Variants in C8orf89 observed in about 807,000 individuals in gnomAD.
C8orf89 encodes the protein chromosome 8 open reading frame 89.
A neutral mutation model predicts 15.8 loss-of-function variants in C8orf89; 14 were observed. The ratio of observed to expected loss-of-function variants is 0.89; its 90% CI spans 0.59 to 1.39. The LOEUF (loss-of-function observed/expected upper bound fraction) is 1.39. C8orf89 is among the 40% of genes most tolerant of loss of function. The probability of loss-of-function intolerance (pLI) is 0.00; values close to 1 mark genes in which losing one functional copy is unlikely to be tolerated. For missense variants in C8orf89, 181 were observed against 184.5 expected (o/e 0.98, Z 0.11); for synonymous variants, 55 against 62.2 (o/e 0.88, Z 0.54).
the C8orf89 span, among the ~76,000 whole-genome samples, chr8:73,274,860 A>G: frequency 2.0e-5 from 3 of 152,192 alleles, no homozygotes; most frequent in African/African-American, 7.2e-5. Flanking sequence ...CATGAGACTG[A>G]GATTGAGTGT....
upstream of C8orf89, among the ~76,000 whole-genome samples, chr8:73,263,081 A>G (rs1199293528): frequency 1.3e-5 from 2 of 152,128 alleles, no homozygotes; most frequent in African/African-American, 4.8e-5. Flanking sequence ...CAACCAATTA[A>G]AAAATCACTG....
chr8:73,274,446 T>C, the C8orf89 span, among the ~76,000 whole-genome samples: 6 of 152,158 alleles, frequency 3.9e-5, no homozygotes, highest in African/African-American at 1.4e-4. Flanking sequence ...CCACCGCACC[T>C]GGCCATTTCA....
chr8:73,280,480 C>A, the C8orf89 span, among the ~76,000 whole-genome samples: 1 of 152,172 alleles, frequency 6.6e-6, no homozygotes, highest in African/African-American at 2.4e-5. Flanking sequence ...AAGCAGTTGT[C>A]CTGCCTCAGC....
rs1463293341 is a variant in C8orf89, at chr8:73,259,516, A to G, written c.-58T>C. ...AGATGCTGCTGCAGAGACAGGACAC[A>G]AAATACAAAAAAAACAAGGCACGTC... On this transcript the variant is annotated 5_prime_UTR_variant, in exon 1 of 4. Coordinates refer to ENST00000624510, the MANE Select transcript of C8orf89 (RefSeq NM_001243237.3). The G allele has an allele frequency of 7.7e-7, 1 of 1,303,072 alleles. No homozygotes were observed. The highest frequency in any genetic ancestry group is 1.0e-6 in the Non-Finnish European group (1 of 1,004,462). The allele number at this position is 1,303,072 out of a possible 1,614,324, so 80.7% of individuals were successfully genotyped here.
Position 73,252,458 on chromosome 8 carries a change from T to C in C8orf89, c.282-2135A>G, listed in dbSNP as rs112488565. ...ATGAAAAAGAATTTTTTCTTTCTTT[T>C]GAAAGAAGGGAATATCCAAACAATA... On this transcript the variant is annotated intron_variant, in intron 2 of 3. Transcript: ENST00000624510. Among the ~76,000 whole-genome samples, 4 of 152,286 alleles carry C rather than the reference T, an allele frequency of 2.6e-5. No individual in the cohort carries two copies. In the South Asian group the frequency reaches 8.3e-4, roughly 32 times the overall value.
rs1210091484 is a variant in C8orf89, at chr8:73,250,304, T to C, written c.301A>G (p.Thr101Ala). The C allele has an allele frequency of 6.5e-7, 1 of 1,531,810 alleles. No individual in the cohort carries two copies. Among genetic ancestry groups the C allele is most frequent in the South Asian group, 1.2e-5 (1 of 83,596 alleles). The allele number at this position is 1,531,810 out of a possible 1,614,324, so 94.9% of individuals were successfully genotyped here. The change falls in exon 3 of 4, where the codon ACA (threonine) becomes GCA (alanine). Residue 101 changes from threonine to alanine, a missense_variant. Physicochemically the swap from Thr to Ala is moderately conservative, Grantham distance 58. Transcript: ENST00000624510. ...SAVRLKKTKE[T>A]CSVAPLWEKS... is the part of the protein sequence containing the mutation. ...TCCCAAAGTGGTGCCACACTGCATG[T>C]CTCCTTAGTCTTCTTTAGCCTGAAT...
At chr8:73,265,739 C>CT in the C8orf89 span, among the ~76,000 whole-genome samples, 1 of 152,192 alleles carries the variant, frequency 6.6e-6, no homozygotes, top group East Asian at 1.9e-4. Flanking sequence ...TATTAGGGAG[C>CT]TTTACCTGGA....
At chr8:73,257,439 T>C (rs1211015011) in intron 1 of C8orf89, among the ~76,000 whole-genome samples, 1 of 152,222 alleles carries the variant, frequency 6.6e-6, no homozygotes, top group African/African-American at 2.4e-5. Flanking sequence ...ATTAGATACC[T>C]TCACACTGAA....
the C8orf89 span, among the ~76,000 whole-genome samples, chr8:73,266,013 A>C: frequency 6.6e-6 from 1 of 152,146 alleles, no homozygotes; most frequent in African/African-American, 2.4e-5. Context: ...CTGTCATTTC[A>C]TGCCTGGGTT....
At position 73,259,431 on chromosome 8, in the gene C8orf89, AT is replaced by A. The variant is rs1440916890; in HGVS notation, c.27del (p.Lys9AsnfsTer16). Reference protein sequence around the residue: MSVLSPEIKCETSKFTRSS... With the variant: MSVLSPEIXCETSKFTRSS... Reference sequence around the variant, plus strand: ...CTTCTGGTGAATTTAGAAGTCTCACATTTGATTTCAGGAGATAGCACTGACA... The same window carrying A: ...CTTCTGGTGAATTTAGAAGTCTCACATTGATTTCAGGAGATAGCACTGACA... On this transcript the variant is annotated frameshift_variant, in exon 1 of 4. Coordinates refer to ENST00000624510, the MANE Select transcript of C8orf89 (RefSeq NM_001243237.3). LOFTEE classifies it high-confidence loss of function. 7 of 1,534,036 alleles carry A rather than the reference AT, an allele frequency of 4.6e-6. No homozygotes were observed. In the South Asian group the frequency reaches 6.0e-5, roughly 13 times the overall value.
intron 3 of C8orf89, among the ~76,000 whole-genome samples, chr8:73,244,201 G>C (rs1414352563): frequency 6.6e-6 from 1 of 152,124 alleles, no homozygotes; most frequent in Non-Finnish European, 1.5e-5. Context: ...TTCTATCATA[G>C]GGTGGTAGTA....
chr8:73,262,536 G>T (rs919681760), upstream of C8orf89, among the ~76,000 whole-genome samples: 1 of 151,974 alleles, frequency 6.6e-6, no homozygotes, highest in Non-Finnish European at 1.5e-5. Flanking sequence ...GTAACAGCTG[G>T]CTGGGCATAA....
chr8:73,284,263 G>C, the C8orf89 span, among the ~76,000 whole-genome samples: 1 of 132,136 alleles, frequency 7.6e-6, no homozygotes, highest in African/African-American at 2.9e-5. Context: ...ACTCAGGCTG[G>C]TGTGCAGTGG....
the C8orf89 span, among the ~76,000 whole-genome samples, chr8:73,278,462 G>A: frequency 6.6e-6 from 1 of 152,142 alleles, no homozygotes; most frequent in Non-Finnish European, 1.5e-5. Context: ...CCCGGGCGCT[G>A]AGGGGCCAAA....
chr8:73,269,709 A>G, the C8orf89 span, among the ~76,000 whole-genome samples: 1 of 152,198 alleles, frequency 6.6e-6, no homozygotes, highest in East Asian at 1.9e-4. Context: ...GCCTCCTCCA[A>G]TAATACAACA....
the C8orf89 span, among the ~76,000 whole-genome samples, chr8:73,270,201 G>A: frequency 6.6e-6 from 1 of 151,994 alleles, no homozygotes; most frequent in Non-Finnish European, 1.5e-5. Flanking sequence ...CAAGATTTCT[G>A]GAATTAGAAT....
rs968229276 is a variant in C8orf89, at chr8:73,241,614, G to C, written c.338-9C>G. On this transcript the variant is annotated splice_polypyrimidine_tract_variant and intron_variant, in intron 3 of 3. Transcript: ENST00000624510. The stretch of plus-strand genomic sequence containing the variant: ...ATCACTGAAGCCAGAACCTGGAGGA[G>C]GAGGTGGGGAGTCAGCTATTAAAAT... 26 of 1,488,226 alleles carry C rather than the reference G, an allele frequency of 1.7e-5. No individual in the cohort carries two copies. The African/African-American group carries it at 3.2e-4, about 18-fold the overall frequency. The allele number at this position is 1,488,226 out of a possible 1,614,324, so 92.2% of individuals were successfully genotyped here. A position where few individuals can be genotyped will look rare whatever the true frequency, so the allele number is the denominator to read the frequency against.
At chr8:73,256,130 A>AAAT (rs71268002) in intron 2 of C8orf89, among the ~76,000 whole-genome samples, 12,782 of 147,930 alleles carry the variant, frequency 0.086, 685 homozygotes, top group East Asian at 0.26. Flanking sequence ...AATAAATAAC[A>AAAT]AATAATAATA....
intron 3 of C8orf89, among the ~76,000 whole-genome samples, chr8:73,243,161 G>C (rs1218430022): frequency 1.3e-5 from 2 of 152,184 alleles, no homozygotes; most frequent in African/African-American, 4.8e-5. Context: ...GGCTGGGAAG[G>C]ATAGTGGAGG....
Sources: gnomAD v4.1 joint callset for allele counts (sites outside exome capture counted in the v4.1 genomes callset) on GRCh38, gnomAD v4.1.1 for gene constraint, MANE v1.5 for transcripts, NCBI Gene and HGNC (gene_info 2026-07-23, HGNC 2026-07-21) for gene names.